The following DDX4 variants were observed in gnomAD, a reference collection of about 807,000 sequenced individuals.
The protein encoded by DDX4 is probable ATP-dependent RNA helicase DDX4.
DDX4 carries 25 observed loss-of-function variants against 100.0 expected under a neutral mutation model. The observed-to-expected ratio is 0.25, with a 90% CI of 0.18 to 0.35. The LOEUF is 0.35. Among genes scored for constraint, DDX4 ranks in the 10% least tolerant of loss-of-function variants. The pLI, the probability that DDX4 is intolerant of heterozygous loss-of-function variation, is 1.00. For synonymous variants in DDX4, 259 were observed against 275.7 expected, an observed-to-expected ratio of 0.94 and a Z score of 0.60; for missense variants, 635 against 882.4, an observed-to-expected ratio of 0.72 and a Z score of 3.55.
Position 55,792,395 on chromosome 5 carries a change from A to G in DDX4, c.1303-246A>G, listed in dbSNP as rs185622965. Among the ~76,000 whole-genome samples the G allele has an allele frequency of 3.4e-3, 504 of 149,542 alleles. 1 individual carries two copies. Among genetic ancestry groups the G allele is most frequent in the Non-Finnish European group, 6.0e-3 (402 of 67,488 alleles). ...CTTTTTTTTGAGACGGAGTCTCGCTATGTTGCCCAGGCTGGAGTGCAGTGG... is the reference window on the plus strand; with the variant it reads ...CTTTTTTTTGAGACGGAGTCTCGCTGTGTTGCCCAGGCTGGAGTGCAGTGG... On this transcript the variant is annotated intron_variant, in intron 16 of 21. Coordinates refer to ENST00000505374, the MANE Select transcript of DDX4 (RefSeq NM_024415.3).
rs752401470 is a variant in DDX4, at chr5:55,814,889, T to C, written c.1716-12T>C. ...AGAGTGGTTCTAATAACATGCTTTC[T>C]TTTCTTTCAAGTGATCGGGAACAGA... On this transcript the variant is annotated splice_polypyrimidine_tract_variant and intron_variant, in intron 19 of 21. Coordinates refer to ENST00000505374, the MANE Select transcript of DDX4 (RefSeq NM_024415.3). 1 of 1,600,054 alleles carries C rather than the reference T, an allele frequency of 6.2e-7. No homozygotes were observed. The highest frequency in any genetic ancestry group is 8.5e-7 in the Non-Finnish European group (1 of 1,172,968).
chr5:55,759,519 C>A (rs1760169211), intron 3 of DDX4, among the ~76,000 whole-genome samples: 1 of 151,960 alleles, frequency 6.6e-6, no homozygotes. Context: ...GCATTATGGC[C>A]CTTCTACATG....
At chr5:55,791,774 G>A (rs1258595561) in intron 16 of DDX4, among the ~76,000 whole-genome samples, 1 of 152,146 alleles carries the variant, frequency 6.6e-6, no homozygotes, top group African/African-American at 2.4e-5. Context: ...CACATTTCAA[G>A]CGCCTAATAG....
chr5:55,774,807 C>T (rs550312765), intron 7 of DDX4, among the ~76,000 whole-genome samples: 1 of 152,194 alleles, frequency 6.6e-6, no homozygotes, highest in Non-Finnish European at 1.5e-5. Context: ...TTTGGGTTTA[C>T]CCTCCTTGGA....
At chr5:55,813,570 G>T (rs1744234700) in intron 18 of DDX4, 103 bp from the exon 19 acceptor site, 5 of 1,410,784 alleles carry the variant, frequency 3.5e-6, no homozygotes, top group Non-Finnish European at 4.6e-6. Context: ...AGTAAATACA[G>T]TGGTGGACAA....
intron 14 of DDX4, 151 bp downstream of exon 14, chr5:55,786,821 G>A (rs1742275345): frequency 1.5e-6 from 1 of 652,656 alleles, no homozygotes; most frequent in Non-Finnish European, 2.7e-6. Flanking sequence ...TTTTTATTAG[G>A]ATTTGTGTAC....
chr5:55,763,738 CCT>C (rs1246199527), intron 5 of DDX4, among the ~76,000 whole-genome samples: 2 of 152,068 alleles, frequency 1.3e-5, no homozygotes, highest in Admixed American at 6.6e-5. Flanking sequence ...CTGACATATT[CCT>C]CTGTTTTGCC....
intron 18 of DDX4, among the ~76,000 whole-genome samples, chr5:55,804,563 C>T (rs1440649348): frequency 6.6e-6 from 1 of 152,136 alleles, no homozygotes; most frequent in Non-Finnish European, 1.5e-5. Flanking sequence ...TTCCCAGCAC[C>T]ATTTATTAAA....
At chr5:55,746,435 A>G (rs1370018755) in intron 3 of DDX4, among the ~76,000 whole-genome samples, 3 of 152,140 alleles carry the variant, frequency 2.0e-5, no homozygotes, top group Non-Finnish European at 2.9e-5. Context: ...GATTTAATGG[A>G]TTACTATAAA....
At chr5:55,749,047 T>C (rs1759396926) in intron 3 of DDX4, among the ~76,000 whole-genome samples, 1 of 152,236 alleles carries the variant, frequency 6.6e-6, no homozygotes, top group African/African-American at 2.4e-5. Context: ...TTAATAGTCA[T>C]GGAAACCCTT....
At chr5:55,782,504 A>G (rs2111989439) in intron 10 of DDX4, among the ~76,000 whole-genome samples, 1 of 152,082 alleles carries the variant, frequency 6.6e-6, no homozygotes, top group Non-Finnish European at 1.5e-5. Context: ...AGGCTAAGGC[A>G]GGAGAATCGC....
intron 18 of DDX4, among the ~76,000 whole-genome samples, chr5:55,801,731 T>A (rs1743325350): frequency 6.6e-6 from 1 of 152,190 alleles, no homozygotes; most frequent in African/African-American, 2.4e-5. Flanking sequence ...TGCTGAACAG[T>A]ATTGACTTAC....
rs536903183 is a variant in DDX4 at position 55,808,337 on chromosome 5, C to T, written c.1616-5336C>T. On this transcript the variant is annotated intron_variant, in intron 18 of 21. Coordinates refer to ENST00000505374, the MANE Select transcript of DDX4 (RefSeq NM_024415.3). ...CAACTCGTCAAAGTCATTCTCCGTC[C>T]AGCTTTGTTCCATTGCTGGTGAGGA... 2.0e-5 allele frequency among the ~76,000 whole-genome samples: 3 copies of T among 152,336 alleles called. No individual in the cohort carries two copies. In the South Asian group the frequency reaches 6.2e-4, roughly 32 times the overall value.
chr5:55,744,868 CCTTTTTTTT>C (rs2111588547), intron 2 of DDX4, among the ~76,000 whole-genome samples: 1 of 147,378 alleles, frequency 6.8e-6, no homozygotes, highest in South Asian at 2.1e-4. Context: ...TACAGTGAAT[CCTTTTTTTT>C]CTTTTTTTTT....
intron 7 of DDX4, among the ~76,000 whole-genome samples, chr5:55,772,626 A>C (rs1741320103): frequency 1.3e-5 from 2 of 152,112 alleles, no homozygotes; most frequent in African/African-American, 4.8e-5. Context: ...GGGGGCGCAG[A>C]TCTCTCATGA....
chr5:55,740,620 C>A (rs1758924371), intron 2 of DDX4, among the ~76,000 whole-genome samples: 1 of 151,656 alleles, frequency 6.6e-6, no homozygotes, highest in Non-Finnish European at 1.5e-5. Flanking sequence ...ATTTTCCTGC[C>A]TCAGCCTCCC....
At chr5:55,785,070 CA>C (rs1742160611) in intron 10 of DDX4, among the ~76,000 whole-genome samples, 1 of 152,166 alleles carries the variant, frequency 6.6e-6, no homozygotes, top group African/African-American at 2.4e-5. Flanking sequence ...AGAAATATAA[CA>C]GTTTAAACAA....
chr5:55,763,549 C>T (rs1056974521), intron 5 of DDX4, among the ~76,000 whole-genome samples: 5 of 151,880 alleles, frequency 3.3e-5, no homozygotes, highest in African/African-American at 7.3e-5. Flanking sequence ...CAAAACTTGA[C>T]GACTTTTTAA....
intron 10 of DDX4, among the ~76,000 whole-genome samples, chr5:55,784,766 G>A (rs1273503488): frequency 6.6e-6 from 1 of 152,154 alleles, no homozygotes; most frequent in Non-Finnish European, 1.5e-5. Flanking sequence ...ACTCTTCTCT[G>A]GTAGAGTTTA....
Sources: gnomAD v4.1 joint callset for allele counts (sites outside exome capture counted in the v4.1 genomes callset) on GRCh38, gnomAD v4.1.1 for gene constraint, MANE v1.5 for transcripts, NCBI Gene and HGNC (gene_info 2026-07-23, HGNC 2026-07-21) for gene names.